The following METAP1 variants were observed in gnomAD, a reference collection of about 807,000 sequenced individuals.
METAP1 encodes the protein methionyl aminopeptidase 1.
A neutral mutation model predicts 53.8 loss-of-function variants in METAP1; 28 were observed. The ratio of observed to expected loss-of-function variants is 0.52; its 90% CI spans 0.39 to 0.71. The LOEUF (loss-of-function observed/expected upper bound fraction) is 0.71. METAP1 is among the 30% of genes least tolerant of loss of function. The pLI is 0.00. For missense variants in METAP1, 389 were observed against 479.8 expected, an observed-to-expected ratio of 0.81 and a Z score of 1.77; for synonymous variants, 181 against 165.7, an observed-to-expected ratio of 1.09 and a Z score of -0.71.
intron 2 of METAP1, among the ~76,000 whole-genome samples, chr4:99,033,742 G>A (rs1211897888): frequency 6.6e-6 from 1 of 152,148 alleles, no homozygotes; most frequent in East Asian, 1.9e-4. Context: ...GATCAGCTTT[G>A]TGAGAAATAA....
intron 1 of METAP1, among the ~76,000 whole-genome samples, chr4:99,006,841 T>C (rs1182857411): frequency 6.6e-6 from 1 of 152,214 alleles, no homozygotes; most frequent in Non-Finnish European, 1.5e-5. Context: ...TCAGTTGTCT[T>C]GTAGAATGTT....
chr4:99,060,939 G>A (rs17028467), intron 10 of METAP1, among the ~76,000 whole-genome samples: 1,786 of 152,212 alleles, frequency 0.012, 33 homozygotes, highest in African/African-American at 0.041. Flanking sequence ...ATCTTGATTT[G>A]ATATTTGGGA....
chr4:99,047,265 G>A (rs1726336647), intron 8 of METAP1, among the ~76,000 whole-genome samples: 1 of 152,134 alleles, frequency 6.6e-6, no homozygotes, highest in Non-Finnish European at 1.5e-5. Flanking sequence ...CACATAAGAT[G>A]TTCCACAAGC....
chr4:99,038,103 A>G (rs981967541), intron 4 of METAP1, among the ~76,000 whole-genome samples: 2 of 151,934 alleles, frequency 1.3e-5, no homozygotes, highest in African/African-American at 4.8e-5. Context: ...GATTATTTGT[A>G]TGTGGGAAAG....
chr4:99,031,707 A>G, intron 2 of METAP1: 1 of 788,424 alleles, frequency 1.3e-6, no homozygotes, highest in Non-Finnish European at 1.9e-6. Flanking sequence ...GACTTGAGTC[A>G]GAATTTTGAT....
intron 2 of METAP1, chr4:99,031,646 C>T: frequency 1.8e-6 from 2 of 1,138,212 alleles, no homozygotes; most frequent in Non-Finnish European, 2.4e-6. Flanking sequence ...AAGTGCTTAG[C>T]ATGTGTACCA....
At chr4:98,996,361 G>C (rs1286502686) in intron 1 of METAP1, among the ~76,000 whole-genome samples, 1 of 152,254 alleles carries the variant, frequency 6.6e-6, no homozygotes, top group Non-Finnish European at 1.5e-5. Flanking sequence ...GAAGCTACCT[G>C]CCGGGCTCTG....
In METAP1 at chr4:98,995,758, C is replaced by CG; in HGVS notation, c.7dup (p.Ala3GlyfsTer15). 3 of 1,544,362 alleles carry CG rather than the reference C, an allele frequency of 1.9e-6. No individual in the cohort carries two copies. Among genetic ancestry groups the CG allele is most frequent in the Non-Finnish European group, 2.6e-6 (3 of 1,143,646 alleles). ...CTCTTCCAGCGGGCAGGCAGCATGG[C>CG]GGCCGTGGAGACGCGGGTGTGCGAG... On this transcript the variant is annotated frameshift_variant, in exon 1 of 11. Coordinates refer to ENST00000296411, the MANE Select transcript of METAP1 (RefSeq NM_015143.3). LOFTEE classifies it high-confidence loss of function.
intron 1 of METAP1, among the ~76,000 whole-genome samples, chr4:99,019,462 TC>T (rs1360556306): frequency 6.6e-6 from 1 of 152,268 alleles, no homozygotes; most frequent in African/African-American, 2.4e-5. Flanking sequence ...ACCTATCTTG[TC>T]CCCCTTCTTG....
intron 4 of METAP1, among the ~76,000 whole-genome samples, chr4:99,038,363 G>A (rs1264396650): frequency 6.6e-6 from 1 of 151,868 alleles, no homozygotes; most frequent in East Asian, 1.9e-4. Context: ...TTGGTTCTCA[G>A]TTTGAGATTT....
chr4:99,032,280 T>C (rs2110340365), intron 2 of METAP1, among the ~76,000 whole-genome samples: 1 of 151,976 alleles, frequency 6.6e-6, no homozygotes, highest in Middle Eastern at 3.4e-3. Flanking sequence ...CAGGCTGGAG[T>C]GCAGTGGTGC....
chr4:99,003,650 T>G (rs1723025500), intron 1 of METAP1, among the ~76,000 whole-genome samples: 1 of 152,278 alleles, frequency 6.6e-6, no homozygotes, highest in African/African-American at 2.4e-5. Context: ...GTATGTTTTC[T>G]AAATTGTTTT....
intron 8 of METAP1, among the ~76,000 whole-genome samples, chr4:99,045,774 A>G (rs928305820): frequency 1.3e-5 from 2 of 152,100 alleles, no homozygotes; most frequent in African/African-American, 4.8e-5. Flanking sequence ...TCTCCTGTGC[A>G]TTAATGCACA....
At chr4:99,006,433 A>G (rs1723182081) in intron 1 of METAP1, among the ~76,000 whole-genome samples, 1 of 152,072 alleles carries the variant, frequency 6.6e-6, no homozygotes, top group Non-Finnish European at 1.5e-5. Flanking sequence ...ATTTTGCTGT[A>G]TTTGTTTTAT....
At chr4:99,049,053 A>AAT (rs1388760177) in intron 9 of METAP1, among the ~76,000 whole-genome samples, 177 bp downstream of exon 9, 1 of 152,194 alleles carries the variant, frequency 6.6e-6, no homozygotes, top group African/African-American at 2.4e-5. Flanking sequence ...TTACTCACAT[A>AAT]ATAGTCCAAG....
chr4:99,056,435 C>A (rs141348958), intron 9 of METAP1, among the ~76,000 whole-genome samples: 17 of 152,188 alleles, frequency 1.1e-4, no homozygotes, highest in African/African-American at 3.6e-4. Context: ...AAAAAACTTA[C>A]ATTAGTGAAC....
At chr4:99,061,077 T>A (rs1483771820) in intron 10 of METAP1, 77 bp from the exon 11 acceptor site, 1 of 1,485,558 alleles carries the variant, frequency 6.7e-7, no homozygotes, top group Non-Finnish European at 9.1e-7. Flanking sequence ...AGTAGTGAAT[T>A]TTTTCCTTGG....
intron 2 of METAP1, among the ~76,000 whole-genome samples, 183 bp downstream of exon 2, chr4:99,029,101 CT>C (rs1448799659): frequency 2.0e-5 from 3 of 152,108 alleles, no homozygotes; most frequent in African/African-American, 7.2e-5. Context: ...TGGATAATAT[CT>C]TAATCTTGTA....
At chr4:99,003,027 C>T (rs1722993660) in intron 1 of METAP1, among the ~76,000 whole-genome samples, 2 of 152,132 alleles carry the variant, frequency 1.3e-5, no homozygotes, top group Admixed American at 1.3e-4. Context: ...TGAGATTGCG[C>T]CACTGCACTC....
Sources: allele counts gnomAD v4.1 joint callset (sites outside exome capture counted in the v4.1 genomes callset), GRCh38; gene constraint gnomAD v4.1.1; transcripts MANE v1.5; gene names NCBI Gene and HGNC (gene_info 2026-07-23, HGNC 2026-07-21).